AEBP2: variants seen among roughly 807,000 people sequenced by gnomAD.
AEBP2 encodes the protein AE binding protein 2, also known as zinc finger protein AEBP2.
Under a neutral mutation model 50.8 loss-of-function variants are expected in AEBP2, and 10 were observed. That is an observed-to-expected ratio of 0.20 (90% CI 0.12 to 0.33). The LOEUF (loss-of-function observed/expected upper bound fraction) is 0.33. Among genes scored for constraint, AEBP2 ranks in the 10% least tolerant of loss-of-function variants. AEBP2 has a pLI of 1.00. For missense variants in AEBP2, 570 were observed against 688.0 expected (o/e 0.83, Z 1.92); for synonymous variants, 296 against 261.3 (o/e 1.13, Z -1.28).
intron 1 of AEBP2, among the ~76,000 whole-genome samples, chr12:19,417,709 CT>C (rs985648060): frequency 1.1e-3 from 143 of 135,270 alleles, no homozygotes; most frequent in Admixed American, 1.1e-3. Flanking sequence ...AGCCCAGCCT[CT>C]TTTTTTTTTT....
chr12:19,453,910 C>G (rs572528279), intron 1 of AEBP2, among the ~76,000 whole-genome samples: 53 of 148,626 alleles, frequency 3.6e-4, no homozygotes, highest in Admixed American at 6.7e-4. Context: ...GATTCTCCCC[C>G]CCTCGGCCTC....
intron 5 of AEBP2, among the ~76,000 whole-genome samples, chr12:19,510,374 A>G (rs1949215791): frequency 6.6e-6 from 1 of 152,220 alleles, no homozygotes; most frequent in African/African-American, 2.4e-5. Context: ...GGGGCAACGC[A>G]GAAAAGGTGA....
At chr12:19,509,078 G>T in intron 5 of AEBP2, 1 of 580,562 alleles carries the variant, frequency 1.7e-6, no homozygotes. Flanking sequence ...GGTTCGTGCT[G>T]TGAGACCTAA....
intron 3 of AEBP2, among the ~76,000 whole-genome samples, chr12:19,489,655 C>T (rs1565728131): frequency 6.6e-6 from 1 of 152,134 alleles, no homozygotes; most frequent in Non-Finnish European, 1.5e-5. Context: ...CCATACTCAG[C>T]AACATGAAAT....
chr12:19,422,013 G>A (rs763531880), intron 1 of AEBP2, among the ~76,000 whole-genome samples: 5 of 151,978 alleles, frequency 3.3e-5, no homozygotes, highest in Admixed American at 2.6e-4. Context: ...GTGGTGGCTC[G>A]CACCTGTGGT....
At chr12:19,481,524 C>T (rs935539508) in intron 3 of AEBP2, among the ~76,000 whole-genome samples, 1 of 150,668 alleles carries the variant, frequency 6.6e-6, no homozygotes, top group Admixed American at 6.6e-5. Flanking sequence ...CAGGCTGGAG[C>T]GCAGTGGTAC....
chr12:19,515,509 A>G (rs1020884668), intron 7 of AEBP2, among the ~76,000 whole-genome samples: 1 of 152,212 alleles, frequency 6.6e-6, no homozygotes, highest in Non-Finnish European at 1.5e-5. Flanking sequence ...TATCCAAATG[A>G]TGTACACGAG....
At chr12:19,496,404 T>C (rs1297446842) in intron 4 of AEBP2, among the ~76,000 whole-genome samples, 1 of 152,144 alleles carries the variant, frequency 6.6e-6, no homozygotes, top group Non-Finnish European at 1.5e-5. Context: ...TTTATAAACT[T>C]TAAAAAGGAT....
chr12:19,515,099 A>G (rs953805719), intron 7 of AEBP2, among the ~76,000 whole-genome samples: 1 of 152,196 alleles, frequency 6.6e-6, no homozygotes, highest in African/African-American at 2.4e-5. Flanking sequence ...ATAATAACAG[A>G]CTTTTGTGGA....
At chr12:19,488,124 A>AC (rs1823420447) in intron 3 of AEBP2, among the ~76,000 whole-genome samples, 1 of 114,332 alleles carries the variant, frequency 8.7e-6, no homozygotes, top group South Asian at 2.9e-4. Context: ...AGAACAGATT[A>AC]AATTTTTTTT....
chr12:19,494,085 T>A, intron 4 of AEBP2, 99 bp downstream of exon 4: 1 of 1,312,680 alleles, frequency 7.6e-7, no homozygotes, highest in Non-Finnish European at 1.0e-6. Flanking sequence ...CCTCTTCTAT[T>A]AAAAGTAACA....
chr12:19,449,842 G>A (rs1948135655), intron 1 of AEBP2, among the ~76,000 whole-genome samples: 1 of 152,014 alleles, frequency 6.6e-6, no homozygotes. Flanking sequence ...TAAGTTTCTC[G>A]CTAAAAATGA....
chr12:19,469,093 T>G (rs1429339112), intron 2 of AEBP2, among the ~76,000 whole-genome samples: 1 of 151,918 alleles, frequency 6.6e-6, no homozygotes, highest in African/African-American at 2.4e-5. Context: ...CCTGGTTAAG[T>G]TTTTGTATTT....
At chr12:19,492,569 A>C (rs1336306971) in intron 3 of AEBP2, among the ~76,000 whole-genome samples, 1 of 151,948 alleles carries the variant, frequency 6.6e-6, no homozygotes, top group Admixed American at 6.6e-5. Context: ...TATACAAACA[A>C]AATATAAATA....
At chr12:19,483,736 G>A (rs1351739601) in intron 3 of AEBP2, among the ~76,000 whole-genome samples, 4 of 151,998 alleles carry the variant, frequency 2.6e-5, no homozygotes, top group Admixed American at 6.6e-5. Flanking sequence ...TAATATTAGC[G>A]GTTTAACCAA....
At chr12:19,468,192 C>G (rs1228961636) in intron 2 of AEBP2, among the ~76,000 whole-genome samples, 4 of 142,426 alleles carry the variant, frequency 2.8e-5, no homozygotes, top group African/African-American at 1.0e-4. Flanking sequence ...ACTATGTTGT[C>G]CAAGCTAGTC....
At chr12:19,441,654 C>T (rs1447706656) in intron 1 of AEBP2, among the ~76,000 whole-genome samples, 3 of 152,100 alleles carry the variant, frequency 2.0e-5, no homozygotes, top group Non-Finnish European at 2.9e-5. Context: ...TTGACATTAA[C>T]GTCTAGTTAA....
chr12:19,476,951 G>T (rs1446606393), intron 3 of AEBP2, among the ~76,000 whole-genome samples: 1 of 152,142 alleles, frequency 6.6e-6, no homozygotes, highest in Non-Finnish European at 1.5e-5. Flanking sequence ...ATGAGCATGG[G>T]ATGTGTTTTC....
At chr12:19,513,206 T>C (rs9651797) in intron 6 of AEBP2, among the ~76,000 whole-genome samples, 128,520 of 152,128 alleles carry the variant, frequency 0.84, 54,531 homozygotes, top group African/African-American at 0.91. Flanking sequence ...TAAATGTTCT[T>C]TAGTGCACAG....
Sources: allele counts gnomAD v4.1 joint callset (sites outside exome capture counted in the v4.1 genomes callset), GRCh38; gene constraint gnomAD v4.1.1; transcripts MANE v1.5; gene names NCBI Gene and HGNC (gene_info 2026-07-23, HGNC 2026-07-21).